The following UNC5C variants were observed in gnomAD, a reference collection of about 807,000 sequenced individuals.
The protein encoded by UNC5C is netrin receptor UNC5C.
In UNC5C, 47 loss-of-function variants were observed where a neutral mutation model predicts 99.8. The ratio of observed to expected loss-of-function variants is 0.47; its 90% CI spans 0.37 to 0.60. The LOEUF (loss-of-function observed/expected upper bound fraction) is 0.60. Among genes scored for constraint, UNC5C ranks in the 20% least tolerant of loss-of-function variants. The pLI is 0.00. For synonymous variants in UNC5C, 487 were observed against 452.2 expected (o/e 1.08, Z -0.98); for missense variants, 1,062 against 1,165.9 (o/e 0.91, Z 1.30).
In UNC5C at chr4:95,219,128, C is replaced by T; in HGVS notation, c.1486G>A (p.Glu496Lys). 6.2e-7 allele frequency: 1 copy of T among 1,614,114 alleles called. No homozygotes were observed. The highest frequency in any genetic ancestry group is 8.5e-7 in the Non-Finnish European group (1 of 1,180,012). The change falls in exon 9 of 16, where the codon GAG becomes AAG. Residue 496 changes from glutamate (E) to lysine (K), a missense_variant. Around this residue, in one of 3 missense-constraint regions of UNC5C, gnomAD observed 810 missense variants for 854.5 expected, o/e 0.95. Coordinates refer to ENST00000453304, the MANE Select transcript of UNC5C (RefSeq NM_003728.4). ...TGAGGGGACAGCTTGGACGTAAACT[C>T]AGAGAGGTCATCTTGGGGGGTGACA... ...GAVTPQDDLS[E>K]FTSKLSPQMT...
At chr4:95,187,029 G>A (rs1736860005) in intron 12 of UNC5C, among the ~76,000 whole-genome samples, 2 of 152,172 alleles carry the variant, frequency 1.3e-5, no homozygotes, top group South Asian at 4.1e-4. Context: ...CCATGTGGAA[G>A]TGGAGAAGAA....
Position 95,294,269 on chromosome 4 carries a change from C to T in UNC5C, c.490+7337G>A, listed in dbSNP as rs118173437. ...CAGTGTGCTGGATACTATAGACTCA[C>T]GAATATGAACAAGACTTGATCCAAA... is the stretch of plus-strand genomic sequence containing the variant. On this transcript the variant is annotated intron_variant, in intron 3 of 15. Coordinates refer to ENST00000453304, the MANE Select transcript of UNC5C (RefSeq NM_003728.4). 3.3e-5 allele frequency among the ~76,000 whole-genome samples: 5 copies of T among 152,254 alleles called. No homozygotes were observed. In the East Asian group the frequency reaches 5.8e-4, roughly 18 times the overall value.
chr4:95,312,333 T>C (rs1742306238), intron 2 of UNC5C, among the ~76,000 whole-genome samples: 1 of 152,182 alleles, frequency 6.6e-6, no homozygotes, highest in Non-Finnish European at 1.5e-5. Context: ...ATCAGTACAG[T>C]AACTGGCACA....
At chr4:95,461,277 A>T (rs1747591716) in intron 1 of UNC5C, among the ~76,000 whole-genome samples, 1 of 152,236 alleles carries the variant, frequency 6.6e-6, no homozygotes, top group Non-Finnish European at 1.5e-5. Flanking sequence ...CATGAAGTTA[A>T]GATGTGATAC....
At chr4:95,439,394 T>TTG (rs1342804865) in intron 1 of UNC5C, among the ~76,000 whole-genome samples, 49 of 145,708 alleles carry the variant, frequency 3.4e-4, no homozygotes, top group Non-Finnish European at 6.9e-4. Context: ...TTTTTTTTTT[T>TTG]TTGTTTCCTC....
In UNC5C at chr4:95,167,483, T is replaced by C. The variant is rs1735902979; in HGVS notation, c.*1751A>G. On this transcript the variant is annotated 3_prime_UTR_variant, in exon 16 of 16. Transcript: ENST00000453304. Reference sequence around the variant, plus strand: ...TGAATATTATGACAGCAAAGAAAGATTAAGGGTGGGGGGGTGTAGCGTAGA... The same window carrying C: ...TGAATATTATGACAGCAAAGAAAGACTAAGGGTGGGGGGGTGTAGCGTAGA... The C allele has an allele frequency of 6.6e-6, 1 of 152,048 alleles. No individual in the cohort carries two copies. Among genetic ancestry groups the C allele is most frequent in the Non-Finnish European group, 1.5e-5 (1 of 68,014 alleles). The allele number at this position is 152,048 out of a possible 1,614,324, so 9.4% of individuals were successfully genotyped here.
intron 10 of UNC5C, among the ~76,000 whole-genome samples, chr4:95,214,558 C>T (rs888352349): frequency 2.0e-5 from 3 of 152,216 alleles, no homozygotes; most frequent in African/African-American, 7.2e-5. Flanking sequence ...ATGGGGAGAG[C>T]AGGCACGTGA....
chr4:95,210,310 G>T (rs142673986), intron 10 of UNC5C, among the ~76,000 whole-genome samples: 2 of 152,258 alleles, frequency 1.3e-5, no homozygotes, highest in African/African-American at 4.8e-5. Context: ...AAACAAAGAA[G>T]AAATAATGAT....
At chr4:95,481,590 C>T (rs1428186563) in intron 1 of UNC5C, among the ~76,000 whole-genome samples, 1 of 152,118 alleles carries the variant, frequency 6.6e-6, no homozygotes, top group Non-Finnish European at 1.5e-5. Context: ...GGAGGCATCA[C>T]TCTACCTGAC....
chr4:95,478,290 C>T (rs1356338937), intron 1 of UNC5C, among the ~76,000 whole-genome samples: 1 of 151,936 alleles, frequency 6.6e-6, no homozygotes, highest in Admixed American at 6.6e-5. Flanking sequence ...TGTCTCTAAG[C>T]TCCATGATTG....
chr4:95,358,649 G>A (rs1188848955), intron 1 of UNC5C, among the ~76,000 whole-genome samples: 1 of 152,064 alleles, frequency 6.6e-6, no homozygotes, highest in Non-Finnish European at 1.5e-5. Flanking sequence ...ATCCCTTCAG[G>A]CTTCTGGCCT....
chr4:95,274,317 T>G (rs1184488030), intron 4 of UNC5C, among the ~76,000 whole-genome samples: 2 of 152,126 alleles, frequency 1.3e-5, no homozygotes, highest in Non-Finnish European at 2.9e-5. Context: ...CTGGATACCC[T>G]GTGACCCGGT....
intron 1 of UNC5C, among the ~76,000 whole-genome samples, chr4:95,352,182 C>G (rs1346487871): frequency 6.6e-6 from 1 of 152,152 alleles, no homozygotes; most frequent in East Asian, 1.9e-4. Flanking sequence ...AGACTCCTTA[C>G]TAAGGCCGAA....
chr4:95,238,110 A>T (rs975064643), intron 7 of UNC5C, among the ~76,000 whole-genome samples: 1 of 152,178 alleles, frequency 6.6e-6, no homozygotes, highest in Non-Finnish European at 1.5e-5. Context: ...CTTAACTTTC[A>T]ATCTTTTCCT....
At chr4:95,222,370 C>T (rs1476418431) in intron 7 of UNC5C, 12 of 660,108 alleles carry the variant, frequency 1.8e-5, no homozygotes, top group East Asian at 6.3e-5. Context: ...GGAAAAGAAA[C>T]CTGTGGTCTT....
At chr4:95,445,511 C>T (rs1336724973) in intron 1 of UNC5C, among the ~76,000 whole-genome samples, 1 of 151,962 alleles carries the variant, frequency 6.6e-6, no homozygotes, top group East Asian at 1.9e-4. Flanking sequence ...GAATCAGTAA[C>T]ATAAAGTAAA....
rs200413999 is a variant in UNC5C at position 95,511,667 on chromosome 4, G to A, written c.124+37067C>T. On this transcript the variant is annotated intron_variant, in intron 1 of 15. Transcript: ENST00000453304. Reference sequence around the variant, plus strand: ...AACAGTAACCAGATCTGCTCTCAACGCAGCTTTCATTTTAGCTAGGTCCCC... The same window carrying A: ...AACAGTAACCAGATCTGCTCTCAACACAGCTTTCATTTTAGCTAGGTCCCC... Among the ~76,000 whole-genome samples the A allele has an allele frequency of 3.3e-5, 5 of 151,998 alleles. No individual in the cohort carries two copies. In the East Asian group the frequency reaches 7.7e-4, roughly 23 times the overall value.
chr4:95,510,107 T>A (rs1346437164), intron 1 of UNC5C, among the ~76,000 whole-genome samples: 3 of 151,998 alleles, frequency 2.0e-5, no homozygotes, highest in Non-Finnish European at 4.4e-5. Flanking sequence ...TTAAATATTT[T>A]CATTTTTCTA....
At chr4:95,442,460 G>A (rs1436210952) in intron 1 of UNC5C, among the ~76,000 whole-genome samples, 1 of 139,692 alleles carries the variant, frequency 7.2e-6, no homozygotes, top group Non-Finnish European at 1.5e-5. Flanking sequence ...TTCCCTCCTT[G>A]GCCTCCCAAA....
Sources: allele counts gnomAD v4.1 joint callset (sites outside exome capture counted in the v4.1 genomes callset), GRCh38; gene constraint gnomAD v4.1.1; regional missense constraint gnomAD v4.1.1; transcripts MANE v1.5; gene names NCBI Gene and HGNC (gene_info 2026-07-23, HGNC 2026-07-21).